ASXL3: variants seen among roughly 807,000 people sequenced by gnomAD.
ASXL3 encodes the protein ASXL transcriptional regulator 3.
Under a neutral mutation model 170.6 loss-of-function variants are expected in ASXL3, and 34 were observed. The ratio of observed to expected loss-of-function variants is 0.20; its 90% CI spans 0.15 to 0.27. The LOEUF is 0.27. ASXL3 is among the 10% of genes least tolerant of loss of function. The pLI is 1.00. For missense variants in ASXL3, 2,592 were observed against 2,695.3 expected (o/e 0.96, Z 0.85); for synonymous variants, 1,002 against 989.1 (o/e 1.01, Z -0.24).
At chr18:33,678,735 T>C (rs751155573) in intron 7 of ASXL3, among the ~76,000 whole-genome samples, 46 of 152,194 alleles carry the variant, frequency 3.0e-4, no homozygotes, top group Non-Finnish European at 3.4e-4. Flanking sequence ...TAGGGAGATA[T>C]GAGGTACCAA....
At chr18:33,592,252 G>A (rs2065084472) in intron 1 of ASXL3, among the ~76,000 whole-genome samples, 1 of 152,094 alleles carries the variant, frequency 6.6e-6, no homozygotes, top group Non-Finnish European at 1.5e-5. Flanking sequence ...GTGTTTGTAT[G>A]TACATGTTTA....
chr18:33,735,780 G>GTGA (rs1159975489), intron 10 of ASXL3, among the ~76,000 whole-genome samples: 1 of 152,102 alleles, frequency 6.6e-6, no homozygotes, highest in Non-Finnish European at 1.5e-5. Flanking sequence ...TAATTTTTTA[G>GTGA]TGATAGACCC....
chr18:33,741,649 G>A (rs1236411734), intron 11 of ASXL3, among the ~76,000 whole-genome samples: 6 of 152,134 alleles, frequency 3.9e-5, no homozygotes, highest in Non-Finnish European at 8.8e-5. Context: ...TGAGAAACAA[G>A]ATAGCTCAGG....
chr18:33,707,763 TTTA>T (rs1319739112), intron 8 of ASXL3, among the ~76,000 whole-genome samples: 3 of 152,018 alleles, frequency 2.0e-5, no homozygotes, highest in African/African-American at 7.2e-5. Flanking sequence ...GTTTAAAGAT[TTTA>T]TTATTTCATC....
At position 33,746,149 on chromosome 18, in the gene ASXL3, G is replaced by C. The variant is rs1207971681; in HGVS notation, c.6301G>C (p.Val2101Leu). The C allele has an allele frequency of 6.2e-7, 1 of 1,613,778 alleles. No homozygotes were observed. The highest frequency in any genetic ancestry group is 1.7e-5 in the Admixed American group (1 of 59,994). ...CAGCTGTGAACTGGGCATGAAACAA[G>C]TTTCCTATGACCAGAATGAAATGAA... ...SSSCELGMKQ[V>L]SYDQNEMKEQ... Residue 2101 changes from valine (V) to leucine (L), a missense_variant, in exon 12 of 12, where the codon GTT becomes CTT. Coordinates refer to ENST00000269197, the MANE Select transcript of ASXL3 (RefSeq NM_030632.3).
chr18:33,718,130 C>T (rs1372958652), intron 8 of ASXL3, among the ~76,000 whole-genome samples: 1 of 152,052 alleles, frequency 6.6e-6, no homozygotes, highest in South Asian at 2.1e-4. Context: ...CATGGCAAAA[C>T]GAGTTCCTTC....
chr18:33,587,262 C>G (rs2065042378), intron 1 of ASXL3, among the ~76,000 whole-genome samples: 1 of 152,130 alleles, frequency 6.6e-6, no homozygotes, highest in Non-Finnish European at 1.5e-5. Context: ...TTGTTATACA[C>G]CACACAACCC....
At chr18:33,636,875 G>T (rs757784485) in intron 2 of ASXL3, among the ~76,000 whole-genome samples, 3 of 152,026 alleles carry the variant, frequency 2.0e-5, no homozygotes, top group Non-Finnish European at 4.4e-5. Flanking sequence ...ATCCTAAAAG[G>T]TCCTATGAGT....
intron 2 of ASXL3, among the ~76,000 whole-genome samples, chr18:33,618,281 ATTGAG>A (rs1286990995): frequency 6.6e-6 from 1 of 151,988 alleles, no homozygotes; most frequent in African/African-American, 2.4e-5. Context: ...TCGTTTTTCT[ATTGAG>A]TTTCTTTTTT....
chr18:33,635,543 T>G (rs1009977535), intron 2 of ASXL3, among the ~76,000 whole-genome samples: 1 of 152,220 alleles, frequency 6.6e-6, no homozygotes, highest in Non-Finnish European at 1.5e-5. Flanking sequence ...ACTCTTTCCT[T>G]TTATTTCTGT....
chr18:33,635,734 A>C (rs995208111), intron 2 of ASXL3, among the ~76,000 whole-genome samples: 7 of 152,188 alleles, frequency 4.6e-5, no homozygotes, highest in African/African-American at 1.7e-4. Flanking sequence ...AGGGTATGCA[A>C]ATATAAGATG....
At chr18:33,731,420 C>T (rs1003100379) in intron 8 of ASXL3, among the ~76,000 whole-genome samples, 2 of 152,112 alleles carry the variant, frequency 1.3e-5, no homozygotes, top group Non-Finnish European at 1.5e-5. Context: ...TGTTCTGCTT[C>T]TACAGTAATG....
At chr18:33,620,431 C>CCTCTCCCA (rs1019931825) in intron 2 of ASXL3, among the ~76,000 whole-genome samples, 2 of 151,998 alleles carry the variant, frequency 1.3e-5, no homozygotes, top group African/African-American at 4.8e-5. Flanking sequence ...TTGGAAGCCT[C>CCTCTCCCA]CTCTCCCACT....
intron 8 of ASXL3, among the ~76,000 whole-genome samples, chr18:33,728,945 T>C (rs1401670302): frequency 6.6e-6 from 1 of 152,108 alleles, no homozygotes; most frequent in Non-Finnish European, 1.5e-5. Flanking sequence ...ATGGCTTATA[T>C]TGAAAAAGGT....
At chr18:33,640,189 A>C (rs2065824817) in intron 2 of ASXL3, among the ~76,000 whole-genome samples, 1 of 152,086 alleles carries the variant, frequency 6.6e-6, no homozygotes, top group African/African-American at 2.4e-5. Context: ...TTCACTATCA[A>C]ATTTGAGGCT....
intron 8 of ASXL3, among the ~76,000 whole-genome samples, chr18:33,687,946 C>T (rs1442788728): frequency 6.6e-6 from 1 of 152,148 alleles, no homozygotes; most frequent in Non-Finnish European, 1.5e-5. Flanking sequence ...AGGACCATTT[C>T]ATTATTTAAA....
At chr18:33,607,411 T>A (rs1173074484) in intron 1 of ASXL3, among the ~76,000 whole-genome samples, 183 bp from the exon 2 acceptor site, 2 of 151,950 alleles carry the variant, frequency 1.3e-5, no homozygotes, top group Non-Finnish European at 2.9e-5. Context: ...TGCAGAAATT[T>A]CCGATTTAAA....
chr18:33,619,375 C>G (rs916943286), intron 2 of ASXL3, among the ~76,000 whole-genome samples: 4 of 151,214 alleles, frequency 2.6e-5, no homozygotes, highest in Non-Finnish European at 5.9e-5. Flanking sequence ...AAATGAAAGT[C>G]TGGTTTGTCA....
At chr18:33,690,913 C>T (rs1299000264) in intron 8 of ASXL3, among the ~76,000 whole-genome samples, 1 of 152,108 alleles carries the variant, frequency 6.6e-6, no homozygotes, top group South Asian at 2.1e-4. Context: ...GCCCTCCTCA[C>T]CATGGTTGGA....
Sources: gnomAD v4.1 joint callset for allele counts (sites outside exome capture counted in the v4.1 genomes callset) on GRCh38, gnomAD v4.1.1 for gene constraint, MANE v1.5 for transcripts, NCBI Gene and HGNC (gene_info 2026-07-23, HGNC 2026-07-21) for gene names.